Variants in NF1 observed in about 807,000 individuals in gnomAD.
NF1 encodes neurofibromin 1.
A neutral mutation model predicts 325.7 loss-of-function variants in NF1; 122 were observed. The ratio of observed to expected loss-of-function variants is 0.37; its 90% CI spans 0.32 to 0.44. The LOEUF (loss-of-function observed/expected upper bound fraction) is 0.44. Ranked by LOEUF, NF1 falls within the 20% of genes least tolerant of loss-of-function variation. The pLI, the probability that NF1 is intolerant of heterozygous loss-of-function variation, is 1.00. For missense variants in NF1, 2,140 were observed against 3,415.4 expected (o/e 0.63, Z 9.31); for synonymous variants, 1,091 against 1,186.0 (o/e 0.92, Z 1.65).
chr17:31,236,060 T>TC, intron 29 of NF1, 39 bp downstream of exon 29: 1 of 1,476,610 alleles, frequency 6.8e-7, no homozygotes, highest in Non-Finnish European at 9.3e-7. Context: ...GTTTTTTGTT[T>TC]TTTTTTTTTT....
intron 46 of NF1, 197 bp from the exon 47 acceptor site, chr17:31,340,308 C>T (rs753238968): frequency 1.7e-5 from 11 of 628,612 alleles, no homozygotes; most frequent in African/African-American, 5.5e-5. Flanking sequence ...TGCTAAGTAA[C>T]GTTCTCAGTC....
Position 31,325,912 on chromosome 17 carries a change from T to C in NF1, c.4928T>C (p.Val1643Ala). The change falls in exon 37 of 58, where the codon GTG becomes GCG. Residue 1643 changes from valine to alanine, a missense_variant. Coordinates refer to ENST00000358273, the MANE Select transcript of NF1 (RefSeq NM_001042492.3). ...PYYAKPYEIV[V>A]DLTHTGPSNR... Reference sequence around the variant, plus strand: ...TATGCAAAGCCATATGAAATTGTAGTGGACCTTACCCATACCGGGCCTAGC... The same window carrying C: ...TATGCAAAGCCATATGAAATTGTAGCGGACCTTACCCATACCGGGCCTAGC... 1 of 1,614,208 alleles carries C rather than the reference T, an allele frequency of 6.2e-7. No homozygotes were observed. The highest frequency in any genetic ancestry group is 1.3e-5 in the African/African-American group (1 of 75,066).
chr17:31,237,397 C>A (rs1440236340), intron 29 of NF1, among the ~76,000 whole-genome samples: 1 of 152,148 alleles, frequency 6.6e-6, no homozygotes, highest in Admixed American at 6.5e-5. Context: ...ATCTCAGCCT[C>A]CCAAGTAGCT....
At chr17:31,345,707 G>C (rs1399531406) in intron 48 of NF1, 1 of 1,614,162 alleles carries the variant, frequency 6.2e-7, no homozygotes, top group Non-Finnish European at 8.5e-7. Context: ...AAAGTCTTTT[G>C]GTTCCAGACC....
At chr17:31,287,649 T>C (rs2151491367) in intron 36 of NF1, among the ~76,000 whole-genome samples, 1 of 151,860 alleles carries the variant, frequency 6.6e-6, no homozygotes, top group South Asian at 2.1e-4. Flanking sequence ...AACATCCGCC[T>C]CCTGGGCTCA....
chr17:31,345,827 C>T (rs1475432886), intron 48 of NF1: 1 of 1,613,918 alleles, frequency 6.2e-7, no homozygotes, highest in African/African-American at 1.3e-5. Context: ...TGGACAAAAT[C>T]TGTGAAGTGG....
chr17:31,097,754 TAGC>T (rs1911888780), intron 1 of NF1, among the ~76,000 whole-genome samples: 1 of 152,166 alleles, frequency 6.6e-6, no homozygotes, highest in African/African-American at 2.4e-5. Flanking sequence ...TGGAGTGCAG[TAGC>T]TTGATGTCGG....
intron 1 of NF1, among the ~76,000 whole-genome samples, chr17:31,124,257 G>A (rs1386415641): frequency 1.3e-5 from 2 of 151,392 alleles, no homozygotes; most frequent in East Asian, 1.9e-4. Flanking sequence ...CAGAGCCAGG[G>A]CCTTGCCTTG....
chr17:31,154,901 A>G (rs1033804372), intron 1 of NF1, among the ~76,000 whole-genome samples: 3 of 151,800 alleles, frequency 2.0e-5, no homozygotes, highest in Admixed American at 6.6e-5. Flanking sequence ...CACTACACCC[A>G]GCTAATTTTT....
In NF1 at chr17:31,344,083, C is replaced by CT. The variant is rs17878804; in HGVS notation, c.7189+949dup. Reference sequence around the variant, plus strand: ...TCAAAATGAAACAGACTGCAAATCACTAAGTGTTATTTGAATAATTTATAT... The same window carrying CT: ...TCAAAATGAAACAGACTGCAAATCACTTAAGTGTTATTTGAATAATTTATAT... On this transcript the variant is annotated intron_variant, in intron 48 of 57. Transcript: ENST00000358273. Among the ~76,000 whole-genome samples, 1,076 of 152,128 alleles carry CT rather than the reference C, an allele frequency of 7.1e-3. 9 individuals are homozygous for CT. The highest frequency in any genetic ancestry group is 0.024 in the Middle Eastern group (7 of 294).
At chr17:31,286,245 C>T (rs1258919549) in intron 36 of NF1, among the ~76,000 whole-genome samples, 9 of 152,076 alleles carry the variant, frequency 5.9e-5, no homozygotes, top group Non-Finnish European at 1.3e-4. Flanking sequence ...CAGGTGTGCA[C>T]CAACACACCC....
At chr17:31,354,443 A>G (rs2070223742) in intron 51 of NF1, among the ~76,000 whole-genome samples, 1 of 152,194 alleles carries the variant, frequency 6.6e-6, no homozygotes. Flanking sequence ...AAATGAGATG[A>G]GAAGAAGGAC....
chr17:31,186,706 G>A (rs112062787), intron 8 of NF1, among the ~76,000 whole-genome samples: 4,072 of 152,280 alleles, frequency 0.027, 205 homozygotes, highest in African/African-American at 0.093. Context: ...AGTGGATAGC[G>A]TGACCTGTTC....
intron 48 of NF1, chr17:31,345,729 C>T (rs1419634699): frequency 1.9e-6 from 3 of 1,597,488 alleles, no homozygotes; most frequent in African/African-American, 1.3e-5. Flanking sequence ...TGTGATCACA[C>T]GCCTAATGAT....
chr17:31,195,539 C>T (rs2066420750), intron 8 of NF1, among the ~76,000 whole-genome samples: 1 of 152,084 alleles, frequency 6.6e-6, no homozygotes, highest in East Asian at 1.9e-4. Context: ...TCCGTTCTTC[C>T]CTACCCTCAA....
At chr17:31,373,147 C>G (rs1367631004) in intron 57 of NF1, among the ~76,000 whole-genome samples, 1 of 152,134 alleles carries the variant, frequency 6.6e-6, no homozygotes, top group East Asian at 1.9e-4. Context: ...AGCAAAGATT[C>G]TACAGTATGA....
intron 36 of NF1, among the ~76,000 whole-genome samples, chr17:31,282,763 G>GT (rs1292293473): frequency 6.6e-6 from 1 of 152,118 alleles, no homozygotes; most frequent in Non-Finnish European, 1.5e-5. Context: ...TATGCATTCA[G>GT]TTTTTTTAGA....
intron 1 of NF1, among the ~76,000 whole-genome samples, chr17:31,098,107 T>G (rs1911933423): frequency 6.7e-6 from 1 of 148,202 alleles, no homozygotes; most frequent in South Asian, 2.1e-4. Context: ...ATATATATTA[T>G]ATATAGTATA....
intron 12 of NF1, among the ~76,000 whole-genome samples, chr17:31,213,913 T>G (rs1243711745): frequency 6.6e-6 from 1 of 152,196 alleles, no homozygotes; most frequent in Non-Finnish European, 1.5e-5. Context: ...ATTTTTACTC[T>G]TCTCTAAAAT....
Sources: gnomAD v4.1 joint callset for allele counts (sites outside exome capture counted in the v4.1 genomes callset) on GRCh38, gnomAD v4.1.1 for gene constraint, MANE v1.5 for transcripts, NCBI Gene and HGNC (gene_info 2026-07-23, HGNC 2026-07-21) for gene names.